The following TXLNG variants were observed in gnomAD, a reference collection of about 807,000 sequenced individuals.
TXLNG encodes taxilin gamma.
In TXLNG, 5 loss-of-function variants were observed where a neutral mutation model predicts 38.8. The ratio of observed to expected loss-of-function variants is 0.13; its 90% CI spans 0.07 to 0.27. The LOEUF (loss-of-function observed/expected upper bound fraction) is 0.27, where lower values mean the gene tolerates loss of function less well. Ranked by LOEUF, TXLNG falls within the 10% of genes least tolerant of loss-of-function variation. The probability of loss-of-function intolerance (pLI) is 1.00; values close to 1 mark genes in which losing one functional copy is unlikely to be tolerated. For missense variants in TXLNG, 393 were observed against 398.2 expected (o/e 0.99, Z 0.11); for synonymous variants, 182 against 158.2 (o/e 1.15, Z -1.13).
In TXLNG at chrX:16,843,618, C is replaced by G. The variant is rs1929956676; in HGVS notation, c.*1852C>G. 8.9e-6 allele frequency: 1 copy of G among 112,090 alleles called. No homozygotes were observed. Among genetic ancestry groups the G allele is most frequent in the Non-Finnish European group, 1.9e-5 (1 of 53,266 alleles). 9.2% of individuals were successfully genotyped at this position (112,090 alleles called of 1,213,427 possible). A position where few individuals can be genotyped will look rare whatever the true frequency, so the allele number is the denominator to read the frequency against. On this transcript the variant is annotated 3_prime_UTR_variant, in exon 10 of 10. Transcript: ENST00000380122. ...ATGATCACATTATTTCACAAGAACT[C>G]TGCTGGATGTACAGCTCTTAACATT... is the stretch of plus-strand genomic sequence containing the variant.
At chrX:16,825,821 C>T (rs1365085056) in intron 3 of TXLNG, among the ~76,000 whole-genome samples, 1 of 111,974 alleles carries the variant, frequency 8.9e-6, no homozygotes, top group African/African-American at 3.2e-5. Context: ...CCTGCAGTGC[C>T]TAAAATATTT....
At chrX:16,830,396 G>A (rs1929349599) in intron 5 of TXLNG, among the ~76,000 whole-genome samples, 1 of 104,157 alleles carries the variant, frequency 9.6e-6, no homozygotes. Context: ...TGAACAAAGC[G>A]AGGAACTTGA....
chrX:16,826,846 C>G (rs776918946), intron 3 of TXLNG, among the ~76,000 whole-genome samples: 1 of 109,589 alleles, frequency 9.1e-6, no homozygotes, highest in Non-Finnish European at 1.9e-5. Context: ...GCAGGAGAAT[C>G]GCTTTAACTC....
intron 1 of TXLNG, among the ~76,000 whole-genome samples, chrX:16,802,494 G>A (rs955473286): frequency 8.2e-5 from 9 of 110,095 alleles, no homozygotes; most frequent in African/African-American, 1.6e-4. Context: ...CAGGTGATCC[G>A]TCCACCTCAG....
intron 1 of TXLNG, among the ~76,000 whole-genome samples, chrX:16,793,063 C>T (rs1427252019): frequency 9.3e-6 from 1 of 107,819 alleles, no homozygotes; most frequent in Non-Finnish European, 1.9e-5. Flanking sequence ...TGCCATTATA[C>T]TCCAGCCTGG....
intron 1 of TXLNG, among the ~76,000 whole-genome samples, chrX:16,799,547 C>A (rs942242201): frequency 9.0e-6 from 1 of 110,680 alleles, no homozygotes; most frequent in African/African-American, 3.3e-5. Flanking sequence ...CCAAGGCGGG[C>A]GGATCACGAG....
Position 16,818,614 on chromosome X carries a change from TA to T in TXLNG, c.144del (p.Val50Ter). 1.7e-6 allele frequency: 2 copies of T among 1,211,282 alleles called. No individual in the cohort carries two copies. The highest frequency in any genetic ancestry group is 2.2e-6 in the Non-Finnish European group (2 of 895,045). ...ATGGAAGAAGCTGGAATTTGTGGGC[TA>T]GGGGTGAAAGCAGATATGTTGTGTA... ...GTMEEAGICGLGVKADMLCNS... is the reference protein window; with the variant it reads ...GTMEEAGICGXGVKADMLCNS... On this transcript the variant is annotated frameshift_variant, in exon 2 of 10. Transcript: ENST00000380122. LOFTEE classifies it high-confidence loss of function.
At chrX:16,804,971 AC>A (rs755782507) in intron 1 of TXLNG, among the ~76,000 whole-genome samples, 580 of 1,680 alleles carry the variant, frequency 0.35, 116 homozygotes, top group Middle Eastern at 0.5. Context: ...ACCACTGCCC[AC>A]CCCCCCCCCC....
intron 3 of TXLNG, among the ~76,000 whole-genome samples, chrX:16,825,951 C>G (rs1318906653): frequency 8.9e-6 from 1 of 112,114 alleles, no homozygotes; most frequent in Non-Finnish European, 1.9e-5. Flanking sequence ...AGCCATCAGC[C>G]ACATGTGGCT....
At chrX:16,841,334 G>C (rs1295196724) in intron 9 of TXLNG, 94 bp from the exon 10 acceptor site, 1 of 750,927 alleles carries the variant, frequency 1.3e-6, no homozygotes, top group African/African-American at 2.1e-5. Context: ...ATGTTCCATA[G>C]GTGAGAAGTG....
chrX:16,824,194 C>T (rs979567206), intron 3 of TXLNG, among the ~76,000 whole-genome samples: 5 of 111,906 alleles, frequency 4.5e-5, no homozygotes, highest in Non-Finnish European at 9.4e-5. Context: ...TCGCAAGACC[C>T]TGTACACACA....
chrX:16,821,665 CT>C (rs966775895), intron 3 of TXLNG, among the ~76,000 whole-genome samples: 1 of 112,014 alleles, frequency 8.9e-6, no homozygotes, highest in African/African-American at 3.2e-5. Context: ...TAAGCCATTA[CT>C]TTTTTTTAAA....
rs10668899 is a variant in TXLNG at position 16,788,667 on chromosome X, G to GTTT, written c.102+2094_102+2096dup. On this transcript the variant is annotated intron_variant, in intron 1 of 9. Transcript: ENST00000380122. ...TTAAAAAAACAAACAAACTTGTTGT[G>GTTT]TTTTTTTTTTTTTTTTTTGAGTCAG... Among the ~76,000 whole-genome samples the GTTT allele has an allele frequency of 1.1e-3, 85 of 80,319 alleles. 7 individuals are homozygous for GTTT. Among genetic ancestry groups the GTTT allele is most frequent in the South Asian group, 4.1e-3 (6 of 1,469 alleles). The allele number at this position is 80,319 out of a possible 115,157, so 69.7% of individuals were successfully genotyped here.
At chrX:16,798,589 T>G (rs1410187273) in intron 1 of TXLNG, among the ~76,000 whole-genome samples, 2 of 110,090 alleles carry the variant, frequency 1.8e-5, no homozygotes, top group Non-Finnish European at 3.8e-5. Flanking sequence ...AAAAGTTTTT[T>G]TTTTTTTTTC....
chrX:16,841,229 G>C (rs1292025859), intron 9 of TXLNG, among the ~76,000 whole-genome samples, 199 bp from the exon 10 acceptor site: 1 of 110,030 alleles, frequency 9.1e-6, no homozygotes, highest in Non-Finnish European at 1.9e-5. Flanking sequence ...ATTTAATTTT[G>C]TCCCCCTGAA....
At chrX:16,795,527 G>GA (rs777412414) in intron 1 of TXLNG, among the ~76,000 whole-genome samples, 5 of 112,017 alleles carry the variant, frequency 4.5e-5, no homozygotes, top group African/African-American at 1.3e-4. Flanking sequence ...CAGTGGGGGA[G>GA]ATCAGGTTCC....
At chrX:16,823,972 G>A (rs1053840037) in intron 3 of TXLNG, among the ~76,000 whole-genome samples, 2 of 111,152 alleles carry the variant, frequency 1.8e-5, no homozygotes, top group Non-Finnish European at 3.8e-5. Context: ...TAGTAGTTCC[G>A]TGTGTTGGGG....
chrX:16,829,429 C>T (rs1929293710), intron 4 of TXLNG, 147 bp from the exon 5 acceptor site: 1 of 534,806 alleles, frequency 1.9e-6, no homozygotes, highest in Non-Finnish European at 3.0e-6. Context: ...CAGTGATAGC[C>T]TTCTGGTCAT....
intron 1 of TXLNG, among the ~76,000 whole-genome samples, chrX:16,816,241 C>G (rs1484674903): frequency 9.2e-6 from 1 of 109,207 alleles, no homozygotes; most frequent in African/African-American, 3.3e-5. Flanking sequence ...AGTGATTTGC[C>G]CACCTCAGCC....
Sources: gnomAD v4.1 joint callset for allele counts (sites outside exome capture counted in the v4.1 genomes callset) on GRCh38, gnomAD v4.1.1 for gene constraint, MANE v1.5 for transcripts, NCBI Gene and HGNC (gene_info 2026-07-23, HGNC 2026-07-21) for gene names.